Variants in THSD7B observed in about 807,000 individuals in gnomAD.
THSD7B encodes thrombospondin type 1 domain containing 7B.
In THSD7B, 138 loss-of-function variants were observed where a neutral mutation model predicts 213.6. That is an observed-to-expected ratio of 0.65 (90% confidence interval 0.56 to 0.74). THSD7B has a LOEUF of 0.74. Ranked by LOEUF, THSD7B falls within the 30% of genes least tolerant of loss-of-function variation. THSD7B has a pLI of 0.00. For synonymous variants in THSD7B, 742 were observed against 687.0 expected, an observed-to-expected ratio of 1.08 and a Z score of -1.25; for missense variants, 1,931 against 1,991.5, an observed-to-expected ratio of 0.97 and a Z score of 0.58.
At chr2:137,116,868 T>C (rs1160595825) in intron 5 of THSD7B, among the ~76,000 whole-genome samples, 1 of 152,144 alleles carries the variant, frequency 6.6e-6, no homozygotes, top group Non-Finnish European at 1.5e-5. Flanking sequence ...GAGTACAATC[T>C]ACTCCAAGCA....
rs1210363889 is a variant in THSD7B at position 137,294,583 on chromosome 2, CAAAAAAAAAAAA to C, written c.2500+18567_2500+18578del. On this transcript the variant is annotated intron_variant, in intron 12 of 27. Transcript: ENST00000409968. ...GGGTGAAAAGAGTGAAACTCCATCT[CAAAAAAAAAAAA>C]AAAAAAAAAGAAAGGGAGAGAGACC... Among the ~76,000 whole-genome samples the C allele has an allele frequency of 2.3e-3, 168 of 73,228 alleles. 2 individuals are homozygous for C. Among genetic ancestry groups the C allele is most frequent in the African/African-American group, 8.0e-3 (162 of 20,234 alleles). 48.0% of individuals were successfully genotyped at this position (73,228 alleles called of 152,430 possible).
intron 22 of THSD7B, 55 bp downstream of exon 22, chr2:137,655,715 T>C: frequency 6.5e-7 from 1 of 1,548,476 alleles, no homozygotes; most frequent in Non-Finnish European, 8.7e-7. Context: ...TTGTTTATTT[T>C]ACTACTGTTT....
intron 15 of THSD7B, among the ~76,000 whole-genome samples, chr2:137,452,598 A>C (rs2105068172): frequency 6.6e-6 from 1 of 152,288 alleles, no homozygotes; most frequent in Admixed American, 6.5e-5. Flanking sequence ...AATGAAAGCT[A>C]AGCCTTTATA....
intron 7 of THSD7B, among the ~76,000 whole-genome samples, chr2:137,174,611 A>G (rs1022451852): frequency 6.6e-6 from 1 of 152,190 alleles, no homozygotes; most frequent in African/African-American, 2.4e-5. Context: ...AGTGCCACTG[A>G]AGCTCCTCTT....
At chr2:137,163,715 C>T (rs1428618409) in intron 6 of THSD7B, among the ~76,000 whole-genome samples, 1 of 152,178 alleles carries the variant, frequency 6.6e-6, no homozygotes. Context: ...ACCCAATTTC[C>T]AGTACTTAGT....
At chr2:136,779,185 G>C (rs1000904052) in intron 1 of THSD7B, among the ~76,000 whole-genome samples, 1 of 123,844 alleles carries the variant, frequency 8.1e-6, no homozygotes, top group South Asian at 2.8e-4. Context: ...GTGTTAAAAG[G>C]CTATATATAT....
chr2:137,144,315 A>G (rs1160646929), intron 5 of THSD7B, among the ~76,000 whole-genome samples: 3 of 152,044 alleles, frequency 2.0e-5, no homozygotes, highest in Admixed American at 6.6e-5. Flanking sequence ...ATATACATCA[A>G]ATTGTTGCTA....
rs1179332167 is a variant in THSD7B at position 137,546,444 on chromosome 2, TTA to T, written c.3139-16767_3139-16766del. On this transcript the variant is annotated intron_variant, in intron 15 of 27. Coordinates refer to ENST00000409968, the MANE Select transcript of THSD7B (RefSeq NM_001316349.2). ...ATATATTATATATATATTATATATA[TTA>T]TATATATATTATATATAATATATAT... Among the ~76,000 whole-genome samples the T allele has an allele frequency of 3.2e-4, 9 of 28,390 alleles. 1 individual carries two copies. In the East Asian group the frequency reaches 5.1e-3, roughly 16 times the overall value. The allele number at this position is 28,390 out of a possible 152,430, so 18.6% of individuals were successfully genotyped here.
At chr2:136,971,911 T>A (rs1685411485) in intron 2 of THSD7B, among the ~76,000 whole-genome samples, 1 of 152,138 alleles carries the variant, frequency 6.6e-6, no homozygotes, top group East Asian at 1.9e-4. Context: ...TTCTCTCTGC[T>A]CTTTTGGCTT....
chr2:136,916,672 T>A (rs1684353607), intron 2 of THSD7B, among the ~76,000 whole-genome samples: 1 of 152,236 alleles, frequency 6.6e-6, no homozygotes, highest in Non-Finnish European at 1.5e-5. Context: ...GACATTCAGC[T>A]TCCAGATGGT....
intron 15 of THSD7B, among the ~76,000 whole-genome samples, chr2:137,471,456 G>T (rs954090348): frequency 1.4e-4 from 22 of 151,984 alleles, no homozygotes; most frequent in Non-Finnish European, 2.6e-4. Context: ...TTCTGGGGTG[G>T]CACGTGGTGC....
At chr2:137,490,296 A>T (rs77704380) in intron 15 of THSD7B, among the ~76,000 whole-genome samples, 295 of 152,228 alleles carry the variant, frequency 1.9e-3, no homozygotes, top group African/African-American at 6.8e-3. Flanking sequence ...TGAAAATATT[A>T]ATTATGTTTT....
chr2:136,809,313 G>A (rs1474187556), intron 1 of THSD7B, among the ~76,000 whole-genome samples: 2 of 152,102 alleles, frequency 1.3e-5, no homozygotes, highest in Non-Finnish European at 1.5e-5. Flanking sequence ...AACATTAGGG[G>A]CAAAGAGAAG....
At chr2:137,430,688 T>C (rs1258748607) in intron 14 of THSD7B, among the ~76,000 whole-genome samples, 3 of 152,208 alleles carry the variant, frequency 2.0e-5, no homozygotes, top group East Asian at 1.9e-4. Flanking sequence ...TAGGATTCCA[T>C]GTTTATTTCA....
chr2:137,615,037 A>T (rs771253759), intron 17 of THSD7B, among the ~76,000 whole-genome samples: 38 of 152,108 alleles, frequency 2.5e-4, no homozygotes, highest in Non-Finnish European at 5.1e-4. Context: ...CGTTAGATTG[A>T]GGGTCTGGGA....
chr2:136,962,379 A>G (rs1685234058), intron 2 of THSD7B, among the ~76,000 whole-genome samples: 1 of 150,604 alleles, frequency 6.6e-6, no homozygotes, highest in Non-Finnish European at 1.5e-5. Context: ...TAGGAAAGTA[A>G]CACACTATAC....
chr2:137,079,773 G>T (rs1451406369), intron 3 of THSD7B, among the ~76,000 whole-genome samples: 1 of 152,060 alleles, frequency 6.6e-6, no homozygotes, highest in African/African-American at 2.4e-5. Context: ...TTTACGGTGT[G>T]TTTAATTTTA....
intron 12 of THSD7B, among the ~76,000 whole-genome samples, chr2:137,367,955 A>T (rs1329447364): frequency 6.6e-6 from 1 of 152,078 alleles, no homozygotes; most frequent in African/African-American, 2.4e-5. Flanking sequence ...GATACAACTA[A>T]TGGATTTGGG....
chr2:137,556,870 A>G (rs1680982298), intron 15 of THSD7B, among the ~76,000 whole-genome samples: 1 of 152,226 alleles, frequency 6.6e-6, no homozygotes, highest in African/African-American at 2.4e-5. Flanking sequence ...ATGGAAAACA[A>G]AAAAAGGCAG....
Sources: allele counts gnomAD v4.1 joint callset (sites outside exome capture counted in the v4.1 genomes callset), GRCh38; gene constraint gnomAD v4.1.1; transcripts MANE v1.5; gene names NCBI Gene and HGNC (gene_info 2026-07-23, HGNC 2026-07-21).